Variants in ZHX3 observed in about 807,000 individuals in gnomAD.
The protein encoded by ZHX3 is zinc fingers and homeoboxes protein 3.
A neutral mutation model predicts 64.5 loss-of-function variants in ZHX3; 20 were observed. The observed-to-expected ratio is 0.31, with a 90% CI of 0.22 to 0.45. The LOEUF is 0.45. ZHX3 is among the 20% of genes least tolerant of loss of function. ZHX3 has a pLI of 1.00. For synonymous variants in ZHX3, 423 were observed against 461.6 expected (o/e 0.92, Z 1.07); for missense variants, 1,041 against 1,195.8 (o/e 0.87, Z 1.91).
intron 1 of ZHX3, among the ~76,000 whole-genome samples, chr20:41,291,158 G>A (rs1448456377): frequency 1.3e-5 from 2 of 152,142 alleles, no homozygotes; most frequent in East Asian, 1.9e-4. Context: ...TTCCCCACAC[G>A]GAGCTGAGAT....
Position 41,212,640 on chromosome 20 carries a change from A to T in ZHX3, c.-150-7574T>A, listed in dbSNP as rs1386873301. ...TGGAGAAACCCCATCTCTACTAAAA[A>T]TGCTAAATTAGCCAGGCATGTTGGT... On this transcript the variant is annotated intron_variant, in intron 2 of 3. Transcript: ENST00000683867. This position sits in a 1 kb window ranked among gnomAD's most constrained non-coding sequence, Gnocchi z 4.3. 6.6e-6 allele frequency among the ~76,000 whole-genome samples: 1 copy of T among 152,060 alleles called. No homozygotes were observed. The highest frequency in any genetic ancestry group is 1.5e-5 in the Non-Finnish European group (1 of 67,990).
chr20:41,248,863 C>A (rs1218889947), intron 2 of ZHX3, among the ~76,000 whole-genome samples: 1 of 152,150 alleles, frequency 6.6e-6, no homozygotes, highest in African/African-American at 2.4e-5. Context: ...AAGATTTTTC[C>A]CCCCTGACAG....
At chr20:41,256,310 C>G (rs1015979733) in intron 2 of ZHX3, among the ~76,000 whole-genome samples, 1 of 152,054 alleles carries the variant, frequency 6.6e-6, no homozygotes, top group Non-Finnish European at 1.5e-5. Context: ...TGGCATATAA[C>G]TGTTGCTGAG....
intron 1 of ZHX3, among the ~76,000 whole-genome samples, chr20:41,276,806 GCTACAAA>G (rs2043405163): frequency 6.6e-6 from 1 of 152,166 alleles, no homozygotes; most frequent in Admixed American, 6.5e-5. Context: ...TTATGACATA[GCTACAAA>G]CTATCCTCAA....
At chr20:41,237,733 C>T (rs2041106600) in intron 2 of ZHX3, among the ~76,000 whole-genome samples, 1 of 152,040 alleles carries the variant, frequency 6.6e-6, no homozygotes, top group Non-Finnish European at 1.5e-5. Context: ...ACGTTGTGCA[C>T]ATGTACCCTA....
At chr20:41,311,844 C>T (rs1312190328) in intron 1 of ZHX3, among the ~76,000 whole-genome samples, 1 of 152,192 alleles carries the variant, frequency 6.6e-6, no homozygotes, top group Non-Finnish European at 1.5e-5. Context: ...GGACCTGGTA[C>T]ATACGAATTC....
intron 2 of ZHX3, 77 bp from the exon 3 acceptor site, chr20:41,205,143 C>T: frequency 1.7e-6 from 1 of 601,916 alleles, no homozygotes; most frequent in Non-Finnish European, 2.5e-6. Flanking sequence ...AGACACATTC[C>T]ACTGCTTGCC....
intron 2 of ZHX3, among the ~76,000 whole-genome samples, chr20:41,207,349 T>A (rs6102303): frequency 0.58 from 87,698 of 151,972 alleles, 26,569 homozygotes; most frequent in East Asian, 0.82. Flanking sequence ...CAGACCTAAC[T>A]GACATCTACA....
intron 1 of ZHX3, among the ~76,000 whole-genome samples, chr20:41,285,133 G>C (rs1444670756): frequency 1.3e-5 from 2 of 151,920 alleles, no homozygotes; most frequent in Admixed American, 6.6e-5. Context: ...TCCCTCTCAT[G>C]GAACCTAACA....
chr20:41,296,201 C>T (rs2044507950), intron 1 of ZHX3, among the ~76,000 whole-genome samples: 1 of 122,714 alleles, frequency 8.1e-6, no homozygotes, highest in Non-Finnish European at 1.6e-5. Flanking sequence ...TTTTTTTCCT[C>T]TTCTTTTCCC....
At chr20:41,306,855 G>A (rs1444726161) in intron 1 of ZHX3, among the ~76,000 whole-genome samples, 2 of 152,224 alleles carry the variant, frequency 1.3e-5, no homozygotes, top group Admixed American at 1.3e-4. Context: ...CAGCTTCCTG[G>A]AAAATTAAGA....
At chr20:41,286,351 A>T (rs2043935316) in intron 1 of ZHX3, among the ~76,000 whole-genome samples, 1 of 152,194 alleles carries the variant, frequency 6.6e-6, no homozygotes, top group Admixed American at 6.5e-5. Context: ...TTAACTTGAG[A>T]TCTACTGATA....
chr20:41,198,068 G>A (rs868692762), intron 3 of ZHX3, among the ~76,000 whole-genome samples: 5 of 145,020 alleles, frequency 3.4e-5, no homozygotes, highest in Admixed American at 7.1e-5. Flanking sequence ...ACAGTGGTGC[G>A]ATCTCGGCTC....
intron 2 of ZHX3, among the ~76,000 whole-genome samples, chr20:41,241,351 A>T (rs149943527): frequency 2.0e-3 from 299 of 152,044 alleles, no homozygotes; most frequent in African/African-American, 6.8e-3. Flanking sequence ...TTTTAATGGG[A>T]TTATTAGATT....
intron 2 of ZHX3, among the ~76,000 whole-genome samples, chr20:41,256,104 T>G (rs192274895): frequency 4.6e-4 from 70 of 152,334 alleles, no homozygotes; most frequent in Admixed American, 1.2e-3. Context: ...TTTTTACATT[T>G]AACTTCAAGG....
At chr20:41,237,260 T>C (rs928162621) in intron 2 of ZHX3, among the ~76,000 whole-genome samples, 5 of 152,226 alleles carry the variant, frequency 3.3e-5, no homozygotes, top group Non-Finnish European at 5.9e-5. Flanking sequence ...ATCCCATTAC[T>C]GGGTATATAC....
chr20:41,205,685 G>A (rs2038647989), intron 2 of ZHX3, among the ~76,000 whole-genome samples: 2 of 152,202 alleles, frequency 1.3e-5, no homozygotes, highest in African/African-American at 4.8e-5. Context: ...ACAGTTACTG[G>A]CTGTTATGTA....
intron 2 of ZHX3, among the ~76,000 whole-genome samples, chr20:41,221,302 T>C (rs2062165890): frequency 6.6e-6 from 1 of 152,234 alleles, no homozygotes; most frequent in South Asian, 2.1e-4. Context: ...ACATTATTTA[T>C]AATGTGAGAT....
intron 1 of ZHX3, among the ~76,000 whole-genome samples, chr20:41,279,957 G>A (rs1030464726): frequency 4.6e-5 from 7 of 152,310 alleles, no homozygotes; most frequent in Middle Eastern, 6.8e-3. Context: ...TGGAACAGCT[G>A]CATCCTCCAG....
Sources: allele counts gnomAD v4.1 joint callset (sites outside exome capture counted in the v4.1 genomes callset), GRCh38; gene constraint gnomAD v4.1.1; non-coding constraint Gnocchi (gnomAD v3.1); transcripts MANE v1.5; gene names NCBI Gene and HGNC (gene_info 2026-07-23, HGNC 2026-07-21).